The following PLEKHG3 variants were observed in gnomAD, a reference collection of about 807,000 sequenced individuals.
PLEKHG3 encodes pleckstrin homology domain-containing family G member 3.
Under a neutral mutation model 94.9 loss-of-function variants are expected in PLEKHG3, and 62 were observed. The ratio of observed to expected loss-of-function variants is 0.65; its 90% CI spans 0.53 to 0.81. PLEKHG3 has a LOEUF of 0.81. Among genes scored for constraint, PLEKHG3 ranks in the 30% least tolerant of loss-of-function variants. The pLI is 0.00. For missense variants in PLEKHG3, 1,461 were observed against 1,619.3 expected (o/e 0.90, Z 1.68); for synonymous variants, 614 against 654.0 (o/e 0.94, Z 0.93).
In PLEKHG3 at chr14:64,723,086, T is replaced by A. The variant is rs536893522; in HGVS notation, c.-39-4507T>A. On this transcript the variant is annotated intron_variant, in intron 1 of 16. Coordinates refer to ENST00000247226, the MANE Select transcript of PLEKHG3 (RefSeq NM_001308147.2). This position sits in a 1 kb window ranked among gnomAD's most constrained non-coding sequence, Gnocchi z 4.5. ...CTGCTGTGCTCGGAATCCAGGGGCC[T>A]GCTGTAGCCTGCCTGCCTCTGCACC... 1.3e-5 allele frequency among the ~76,000 whole-genome samples: 2 copies of A among 152,314 alleles called. No homozygotes were observed. Among genetic ancestry groups the A allele is most frequent in the Admixed American group, 1.3e-4 (2 of 15,304 alleles).
At position 64,738,858 on chromosome 14, in the gene PLEKHG3, G is replaced by T. The variant is rs1162188140; in HGVS notation, c.1518+3G>T. The stretch of plus-strand genomic sequence containing the variant: ...AGTCCATTTCTTCCCTGCCAGAGGT[G>T]AGCGACCAGCAGGTGGGATGGGGAT... On this transcript the variant is annotated splice_donor_region_variant and intron_variant, in intron 15 of 16. Coordinates refer to ENST00000247226, the MANE Select transcript of PLEKHG3 (RefSeq NM_001308147.2). The surrounding 1 kb of genome is among the most constrained non-coding windows in gnomAD (Gnocchi z 4.8). The T allele has an allele frequency of 1.9e-6, 3 of 1,556,790 alleles. No homozygotes were observed. In the South Asian group the frequency reaches 3.5e-5, roughly 18 times the overall value.
In PLEKHG3 at chr14:64,741,642, C is replaced by T. The variant is rs374392533; in HGVS notation, c.2125C>T (p.Leu709Phe). 2 of 1,612,986 alleles carry T rather than the reference C, an allele frequency of 1.2e-6. No homozygotes were observed. The highest frequency in any genetic ancestry group is 1.7e-5 in the Admixed American group (1 of 60,030). Reference protein sequence around the residue: ...RSSCKKKESALSTRDRLLLDK... With the variant: ...RSSCKKKESAFSTRDRLLLDK... ...TTCCTGCAAGAAGAAGGAATCAGCACTCTCCACCCGAGACCGGCTGTTGCT... is the reference window on the plus strand; with the variant it reads ...TTCCTGCAAGAAGAAGGAATCAGCATTCTCCACCCGAGACCGGCTGTTGCT... Residue 709 changes from leucine (L) to phenylalanine (F), a missense_variant, in exon 16 of 17, where the codon CTC becomes TTC. Around this residue, in one of 3 missense-constraint regions of PLEKHG3, gnomAD observed 1,201 missense variants for 1,295.5 expected, o/e 0.93. Coordinates refer to ENST00000247226, the MANE Select transcript of PLEKHG3 (RefSeq NM_001308147.2).
In PLEKHG3 at chr14:64,741,712, C is replaced by G. The variant is rs200757412; in HGVS notation, c.2195C>G (p.Ala732Gly). The G allele has an allele frequency of 2.5e-5, 41 of 1,613,100 alleles. No homozygotes were observed. Among genetic ancestry groups the G allele is most frequent in the Non-Finnish European group, 1.4e-5 (16 of 1,180,030 alleles). Reference protein sequence around the residue: ...SYYENAEHHDAGFSVRRRESL... With the variant: ...SYYENAEHHDGGFSVRRRESL... ...TATGAAAATGCAGAACACCATGATG[C>G]AGGCTTCAGCGTCCGTCGCCGGGAG... Residue 732 changes from alanine (A) to glycine (G), a missense_variant, in exon 16 of 17, where the codon GCA becomes GGA. Physicochemically the swap from Ala to Gly is moderately conservative, Grantham distance 60. This residue lies in a region of PLEKHG3 where 1,201 missense variants were observed against 1,295.5 expected (regional missense o/e 0.93). Coordinates refer to ENST00000247226, the MANE Select transcript of PLEKHG3 (RefSeq NM_001308147.2).
At chr14:64,714,604 G>A (rs770096292) in intron 1 of PLEKHG3, among the ~76,000 whole-genome samples, 1 of 152,178 alleles carries the variant, frequency 6.6e-6, no homozygotes, top group Non-Finnish European at 1.5e-5. Flanking sequence ...GTGGCACATG[G>A]TTTATACTGT....
At chr14:64,737,092 A>G (rs559879209) in intron 13 of PLEKHG3, 13 of 662,130 alleles carry the variant, frequency 2.0e-5, no homozygotes, top group Admixed American at 1.8e-4. Context: ...CCCCATGCAC[A>G]GGCCTCATGC....
intron 1 of PLEKHG3, among the ~76,000 whole-genome samples, chr14:64,705,294 C>A (rs1171699276): frequency 3.3e-5 from 5 of 152,258 alleles, no homozygotes; most frequent in African/African-American, 1.2e-4. Context: ...TCTTCGCACC[C>A]CTACACCCAG....
intron 12 of PLEKHG3, among the ~76,000 whole-genome samples, chr14:64,734,015 G>A (rs2081524157): frequency 6.6e-6 from 1 of 152,214 alleles, no homozygotes; most frequent in African/African-American, 2.4e-5. Context: ...TCCTGGCTTG[G>A]GTCCCACAGA....
rs2081466262 is a variant in PLEKHG3 at position 64,731,602 on chromosome 14, C to A, written c.1032+59C>A. Reference sequence around the variant, plus strand: ...TTCTCTCCTTCCCAAAGGATCTGGGCTCCCCTTCTTGTCTGCTTCTTGGGG... The same window carrying A: ...TTCTCTCCTTCCCAAAGGATCTGGGATCCCCTTCTTGTCTGCTTCTTGGGG... On this transcript the variant is annotated intron_variant, in intron 8 of 16. Coordinates refer to ENST00000247226, the MANE Select transcript of PLEKHG3 (RefSeq NM_001308147.2). The surrounding 1 kb of genome is among the most constrained non-coding windows in gnomAD (Gnocchi z 6.1). 1.3e-6 allele frequency: 2 copies of A among 1,569,998 alleles called. No homozygotes were observed. Among genetic ancestry groups the A allele is most frequent in the Non-Finnish European group, 1.8e-6 (2 of 1,140,372 alleles).
intron 1 of PLEKHG3, among the ~76,000 whole-genome samples, chr14:64,708,397 C>T (rs926350394): frequency 5.3e-5 from 8 of 151,948 alleles, no homozygotes; most frequent in African/African-American, 1.2e-4. Flanking sequence ...AGGTCGGAAG[C>T]GGAGTGGGGC....
chr14:64,740,947 G>A (rs981978687), intron 15 of PLEKHG3, 89 bp from the exon 16 acceptor site: 1 of 1,082,332 alleles, frequency 9.2e-7, no homozygotes, highest in Non-Finnish European at 1.3e-6. Context: ...CCTGTCATTG[G>A]GCCTTGAGCA....
chr14:64,736,987 A>C (rs2081584220), intron 13 of PLEKHG3, 96 bp downstream of exon 13: 8 of 915,050 alleles, frequency 8.7e-6, no homozygotes, highest in Non-Finnish European at 1.5e-5. Flanking sequence ...CTGAGGGTGG[A>C]GGATTGTCAG....
At position 64,738,138 on chromosome 14, in the gene PLEKHG3, G is replaced by T; in HGVS notation, c.1405-604G>T. 7.7e-7 allele frequency: 1 copy of T among 1,298,892 alleles called. No homozygotes were observed. Among genetic ancestry groups the T allele is most frequent in the Non-Finnish European group, 1.0e-6 (1 of 994,312 alleles). 80.5% of individuals were successfully genotyped at this position (1,298,892 alleles called of 1,614,324 possible). A position where few individuals can be genotyped will look rare whatever the true frequency, so the allele number is the denominator to read the frequency against. ...GGAGAGCCTGGCGGTGGCGGAGCAG[G>T]TAGCCGACTTTGCCAGCTCCCTGCT... is the stretch of plus-strand genomic sequence containing the variant. On this transcript the variant is annotated intron_variant, in intron 14 of 16. Transcript: ENST00000247226. The surrounding 1 kb of genome is among the most constrained non-coding windows in gnomAD (Gnocchi z 4.8).
rs1218034994 is a variant in PLEKHG3 at position 64,749,203 on chromosome 14, A to G, written c.*5500A>G. 2 of 1,409,422 alleles carry G rather than the reference A, an allele frequency of 1.4e-6. No individual in the cohort carries two copies. The highest frequency in any genetic ancestry group is 1.4e-5 in the African/African-American group (1 of 69,774). The allele number at this position is 1,409,422 out of a possible 1,614,324, so 87.3% of individuals were successfully genotyped here. ...GCCCGGGGGCCCGGCCCGCGACTCG[A>G]CTCATCTCGATTCGACCGGCGGGCG... On this transcript the variant is annotated 3_prime_UTR_variant, in exon 17 of 17. Transcript: ENST00000247226. This position sits in a 1 kb window ranked among gnomAD's most constrained non-coding sequence, Gnocchi z 4.7.
chr14:64,740,990 T>G (rs1402289835), intron 15 of PLEKHG3, 46 bp from the exon 16 acceptor site: 2 of 1,471,956 alleles, frequency 1.4e-6, no homozygotes, highest in South Asian at 2.7e-5. Flanking sequence ...CCGGATCCCA[T>G]GAAGGAGGCT....
chr14:64,731,211 TG>T lies in PLEKHG3; in HGVS notation c.849+45del. The T allele has an allele frequency of 2.3e-6, 3 of 1,278,066 alleles. No homozygotes were observed. The highest frequency in any genetic ancestry group is 3.4e-6 in the Non-Finnish European group (3 of 890,088). 79.2% of individuals were successfully genotyped at this position (1,278,066 alleles called of 1,614,324 possible). ...ACGCTGGGGGAGGGGCAGGGCTGGG[TG>T]GGCCAGGCTTCCGCTGGGAAGAGGG... On this transcript the variant is annotated intron_variant, in intron 7 of 16. Coordinates refer to ENST00000247226, the MANE Select transcript of PLEKHG3 (RefSeq NM_001308147.2). The surrounding 1 kb of genome is among the most constrained non-coding windows in gnomAD (Gnocchi z 6.1).
rs773835222 is a variant in PLEKHG3 at position 64,743,255 on chromosome 14, C to T, written c.3212C>T (p.Pro1071Leu). Residue 1071 changes from proline (P) to leucine (L), a missense_variant, in exon 17 of 17, where the codon CCC (proline) becomes CTC (leucine). Physicochemically the swap from Pro to Leu is moderately conservative, Grantham distance 98 (BLOSUM62 -3). This residue lies in a region of PLEKHG3 where 1,201 missense variants were observed against 1,295.5 expected (regional missense o/e 0.93). Transcript: ENST00000247226. The surrounding 1 kb of genome is among the most constrained non-coding windows in gnomAD (Gnocchi z 7.2). The part of the protein sequence containing the change: ...DEARRAGGGR[P>L]RGPPVNRSHS... Reference sequence around the variant, plus strand: ...GCACGCCGAGCAGGGGGCGGCCGGCCCCGCGGCCCACCCGTCAACAGGAGC... The same window carrying T: ...GCACGCCGAGCAGGGGGCGGCCGGCTCCGCGGCCCACCCGTCAACAGGAGC... 4 of 1,606,338 alleles carry T rather than the reference C, an allele frequency of 2.5e-6. No individual in the cohort carries two copies. Among genetic ancestry groups the T allele is most frequent in the South Asian group, 2.2e-5 (2 of 90,802 alleles).
At chr14:64,736,212 A>G (rs2081565360) in intron 12 of PLEKHG3, among the ~76,000 whole-genome samples, 1 of 152,248 alleles carries the variant, frequency 6.6e-6, no homozygotes, top group South Asian at 2.1e-4. Flanking sequence ...TCTCAGGTGT[A>G]TCCTCAAAAA....
rs1176227647 is a variant in PLEKHG3 at position 64,723,063 on chromosome 14, G to C, written c.-39-4530G>C. ...GAGGGGAAGGATGTGGCCCCAGTCT[G>C]CTGTGCTCGGAATCCAGGGGCCTGC... On this transcript the variant is annotated intron_variant, in intron 1 of 16. Coordinates refer to ENST00000247226, the MANE Select transcript of PLEKHG3 (RefSeq NM_001308147.2). This position sits in a 1 kb window ranked among gnomAD's most constrained non-coding sequence, Gnocchi z 4.5. Among the ~76,000 whole-genome samples the C allele has an allele frequency of 6.6e-6, 1 of 152,200 alleles. No homozygotes were observed. The highest frequency in any genetic ancestry group is 1.5e-5 in the Non-Finnish European group (1 of 68,032).
chr14:64,733,164 C>CTT (rs112116298), intron 12 of PLEKHG3, among the ~76,000 whole-genome samples: 4,649 of 135,306 alleles, frequency 0.034, 333 homozygotes, highest in African/African-American at 0.12. Context: ...TTTTCTTTTT[C>CTT]TTTTTTTTTT....
Sources: allele counts gnomAD v4.1 joint callset (sites outside exome capture counted in the v4.1 genomes callset), GRCh38; gene constraint gnomAD v4.1.1; regional missense constraint gnomAD v4.1.1; non-coding constraint Gnocchi (gnomAD v3.1); transcripts MANE v1.5; gene names NCBI Gene and HGNC (gene_info 2026-07-23, HGNC 2026-07-21).